The following FKBP5 variants were observed in gnomAD, a reference collection of about 807,000 sequenced individuals.
FKBP5 encodes the protein peptidyl-prolyl cis-trans isomerase FKBP5.
In FKBP5, 23 loss-of-function variants were observed where a neutral mutation model predicts 50.5. The observed-to-expected ratio is 0.46, with a 90% CI of 0.33 to 0.65. FKBP5 has a LOEUF of 0.65. Among genes scored for constraint, FKBP5 ranks in the 30% least tolerant of loss-of-function variants. The pLI is 0.02. For synonymous variants in FKBP5, 176 were observed against 190.6 expected (o/e 0.92, Z 0.63); for missense variants, 411 against 553.1 (o/e 0.74, Z 2.58).
chr6:35,620,022 G>T, intron 4 of FKBP5, 110 bp downstream of exon 4: 1 of 1,318,656 alleles, frequency 7.6e-7, no homozygotes, highest in Non-Finnish European at 1.1e-6. Flanking sequence ...TAAGTAAGTT[G>T]GATCTGATTC....
At chr6:35,685,864 G>T (rs1765808845) in intron 1 of FKBP5, among the ~76,000 whole-genome samples, 1 of 151,400 alleles carries the variant, frequency 6.6e-6, no homozygotes, top group Non-Finnish European at 1.5e-5. Context: ...GGCCTGTAGT[G>T]TCAGCTACTC....
Position 35,574,817 on chromosome 6 carries a change from A to G in FKBP5, c.*1018T>C, listed in dbSNP as rs1762165240. The G allele has an allele frequency of 6.6e-6, 1 of 152,648 alleles. No individual in the cohort carries two copies. The highest frequency in any genetic ancestry group is 1.5e-5 in the Non-Finnish European group (1 of 68,044). The allele number at this position is 152,648 out of a possible 1,614,324, so 9.5% of individuals were successfully genotyped here. ...GTATACATATGCTTATGAGCCAATA[A>G]TCTTAAAAAGACAAAAAAAGCTGCA... On this transcript the variant is annotated 3_prime_UTR_variant, in exon 11 of 11. Transcript: ENST00000357266.
chr6:35,717,909 A>G (rs926724535), intron 2 of FKBP5, among the ~76,000 whole-genome samples: 4 of 152,218 alleles, frequency 2.6e-5, no homozygotes, highest in African/African-American at 9.6e-5. Context: ...GAAGGAAGAC[A>G]TCAGTCTCTG....
At chr6:35,586,296 G>A in intron 8 of FKBP5, 1 of 985,166 alleles carries the variant, frequency 1.0e-6, no homozygotes, top group East Asian at 1.1e-4. Flanking sequence ...GGGTTTCTGA[G>A]AAGCAATTTA....
intron 1 of FKBP5, among the ~76,000 whole-genome samples, chr6:35,657,776 G>C (rs903945636): frequency 6.6e-6 from 1 of 151,534 alleles, no homozygotes; most frequent in African/African-American, 2.4e-5. Flanking sequence ...TTGTACTTAG[G>C]GGGTCTCACA....
chr6:35,601,289 C>G (rs1171193012), intron 5 of FKBP5, among the ~76,000 whole-genome samples: 1 of 152,150 alleles, frequency 6.6e-6, no homozygotes, highest in South Asian at 2.1e-4. Context: ...TGACAACATT[C>G]GGAATGTCAG....
intron 5 of FKBP5, among the ~76,000 whole-genome samples, chr6:35,608,547 T>A (rs1025809673): frequency 2.0e-5 from 3 of 151,994 alleles, no homozygotes; most frequent in Admixed American, 2.0e-4. Context: ...TAAAAAAAGT[T>A]AGCTGGGTGT....
intron 3 of FKBP5, among the ~76,000 whole-genome samples, chr6:35,625,519 G>C (rs1763968316): frequency 6.6e-6 from 1 of 151,346 alleles, no homozygotes; most frequent in Admixed American, 6.6e-5. Context: ...GGCAGATCAC[G>C]AGGTCAGAGG....
In FKBP5 at chr6:35,580,037, T is replaced by C. The variant is rs1194218199; in HGVS notation, c.1025A>G (p.Lys342Arg). The C allele has an allele frequency of 2.5e-6, 4 of 1,612,424 alleles. No individual in the cohort carries two copies. The highest frequency in any genetic ancestry group is 3.4e-6 in the Non-Finnish European group (4 of 1,178,516). Residue 342 changes from lysine (K) to arginine (R), a missense_variant and splice_region_variant, in exon 9 of 11, where the codon AAG becomes AGG. By Grantham distance (26) the Lys-to-Arg change is conservative. This residue lies in a region of FKBP5 where 267 missense variants were observed against 405.9 expected (regional missense o/e 0.66). Coordinates refer to ENST00000357266, the MANE Select transcript of FKBP5 (RefSeq NM_004117.4). ...EYTKAVECCDKALGLDSANEK... is the reference protein window; with the variant it reads ...EYTKAVECCDRALGLDSANEK... The stretch of plus-strand genomic sequence containing the variant: ...ATCTCACAGGAGACACGATGTTACC[T>C]TGTCACAGCATTCAACAGCTTTGGT...
intron 3 of FKBP5, 129 bp from the exon 4 acceptor site, chr6:35,620,403 T>G: frequency 1.2e-6 from 1 of 868,034 alleles, no homozygotes; most frequent in Non-Finnish European, 1.8e-6. Flanking sequence ...GGCTACAAGA[T>G]GACAGAGTGC....
intron 3 of FKBP5, among the ~76,000 whole-genome samples, chr6:35,625,841 G>C (rs1006697512): frequency 1.3e-5 from 2 of 150,044 alleles, no homozygotes; most frequent in African/African-American, 2.5e-5. Context: ...GTGCAGTGGC[G>C]CTATCTCTGC....
chr6:35,622,582 GCTGAAAGGCCATCCAT>G (rs1427705652), intron 3 of FKBP5, among the ~76,000 whole-genome samples: 2 of 151,796 alleles, frequency 1.3e-5, no homozygotes, highest in Non-Finnish European at 2.9e-5. Flanking sequence ...GAAAGTGAAA[GCTGAAAGGCCATCCAT>G]CTGCTCCTTA....
chr6:35,705,050 A>C (rs1766266588), intron 2 of FKBP5, among the ~76,000 whole-genome samples: 1 of 150,922 alleles, frequency 6.6e-6, no homozygotes, highest in Non-Finnish European at 1.5e-5. Context: ...CTGAGGCAAG[A>C]GAATGGCGTG....
chr6:35,638,736 CAAAG>C (rs369879030), intron 2 of FKBP5, among the ~76,000 whole-genome samples: 88 of 151,764 alleles, frequency 5.8e-4, no homozygotes, highest in Non-Finnish European at 9.4e-4. Context: ...TCTTTAAAGG[CAAAG>C]AAACACTACT....
intron 5 of FKBP5, among the ~76,000 whole-genome samples, chr6:35,612,755 G>T (rs190545247): frequency 6.6e-6 from 1 of 152,300 alleles, no homozygotes; most frequent in Non-Finnish European, 1.5e-5. Flanking sequence ...ATCAGATCTC[G>T]TGACAACTCA....
chr6:35,625,660 C>T (rs571858936), intron 3 of FKBP5, among the ~76,000 whole-genome samples: 24 of 148,724 alleles, frequency 1.6e-4, no homozygotes, highest in African/African-American at 5.4e-4. Flanking sequence ...GGCGTGAACC[C>T]GGGAGGCGGA....
At chr6:35,600,124 G>A (rs1345172847) in intron 5 of FKBP5, among the ~76,000 whole-genome samples, 1 of 152,134 alleles carries the variant, frequency 6.6e-6, no homozygotes, top group Non-Finnish European at 1.5e-5. Flanking sequence ...ACATTGAGAA[G>A]GTAAAGATAT....
At chr6:35,611,554 T>C (rs1275090386) in intron 5 of FKBP5, among the ~76,000 whole-genome samples, 2 of 152,138 alleles carry the variant, frequency 1.3e-5, no homozygotes, top group Non-Finnish European at 2.9e-5. Flanking sequence ...TAAGTCAGAT[T>C]TGATTTTCTA....
At chr6:35,597,660 A>C (rs1763016475) in intron 5 of FKBP5, among the ~76,000 whole-genome samples, 1 of 152,190 alleles carries the variant, frequency 6.6e-6, no homozygotes, top group Non-Finnish European at 1.5e-5. Flanking sequence ...ACAAACCAGA[A>C]ACACAGGTTT....
Sources: gnomAD v4.1 joint callset for allele counts (sites outside exome capture counted in the v4.1 genomes callset) on GRCh38, gnomAD v4.1.1 for gene constraint, gnomAD v4.1.1 regional missense constraint, MANE v1.5 for transcripts, NCBI Gene and HGNC (gene_info 2026-07-23, HGNC 2026-07-21) for gene names.